C7orf78: variants seen among roughly 807,000 people sequenced by gnomAD.
The protein encoded by C7orf78 is putative uncharacterized protein C7orf78.
At chr7:12,504,695 A>G in the C7orf78 span, 1 of 152,142 alleles carries the variant, frequency 6.6e-6, no homozygotes, top group Admixed American at 6.6e-5. Context: ...GAGAAAAGCA[A>G]TTCATTTATC....
the C7orf78 span, among the ~76,000 whole-genome samples, chr7:12,533,512 C>CTTTTTTTTT: frequency 8.9e-6 from 1 of 112,606 alleles, no homozygotes; most frequent in Non-Finnish European, 1.8e-5. Flanking sequence ...CCAAAGGTTT[C>CTTTTTTTTT]TTTTTTTTTT....
the C7orf78 span, among the ~76,000 whole-genome samples, chr7:12,537,281 T>A: frequency 1.3e-5 from 2 of 152,100 alleles, no homozygotes; most frequent in African/African-American, 4.8e-5. Context: ...AGAAGAGAGC[T>A]TTTGCAGGGA....
the C7orf78 span, among the ~76,000 whole-genome samples, chr7:12,521,388 T>C: frequency 1.3e-5 from 2 of 152,034 alleles, no homozygotes; most frequent in Non-Finnish European, 2.9e-5. Context: ...GTATCTACTG[T>C]CATTTTTTTC....
chr7:12,490,396 T>G, the C7orf78 span, among the ~76,000 whole-genome samples: 1 of 152,180 alleles, frequency 6.6e-6, no homozygotes, highest in Admixed American at 6.6e-5. Context: ...GAATTAATTA[T>G]GCACTACTTT....
chr7:12,514,333 T>A, the C7orf78 span, among the ~76,000 whole-genome samples: 703 of 152,276 alleles, frequency 4.6e-3, 16 homozygotes, highest in African/African-American at 0.016. Context: ...TTACTGTTTT[T>A]AACTTAGTCT....
the C7orf78 span, among the ~76,000 whole-genome samples, chr7:12,528,200 T>C: frequency 1.3e-5 from 2 of 151,084 alleles, no homozygotes; most frequent in Admixed American, 1.3e-4. Context: ...ATGGAACATG[T>C]CTACTTTCCT....
chr7:12,501,304 G>C, the C7orf78 span, among the ~76,000 whole-genome samples: 41 of 147,774 alleles, frequency 2.8e-4, 1 homozygote, highest in South Asian at 7.2e-3. Context: ...CCTGTTTGCA[G>C]ATGACATGAT....
At chr7:12,515,876 A>G in the C7orf78 span, among the ~76,000 whole-genome samples, 1 of 152,246 alleles carries the variant, frequency 6.6e-6, no homozygotes, top group Non-Finnish European at 1.5e-5. Context: ...CAAGCATTTA[A>G]GATGTGACTT....
chr7:12,504,724 T>C, the C7orf78 span, among the ~76,000 whole-genome samples: 1 of 152,052 alleles, frequency 6.6e-6, no homozygotes, highest in Non-Finnish European at 1.5e-5. Flanking sequence ...AATAAATAAA[T>C]AAGAAATTAT....
the C7orf78 span, among the ~76,000 whole-genome samples, chr7:12,503,094 T>G: frequency 9.5e-5 from 11 of 116,236 alleles, no homozygotes; most frequent in Admixed American, 2.4e-4. Flanking sequence ...GGGGTGGGGG[T>G]AGGGGGGAGG....
the C7orf78 span, among the ~76,000 whole-genome samples, chr7:12,512,019 C>A: frequency 6.6e-6 from 1 of 150,614 alleles, no homozygotes; most frequent in Admixed American, 6.6e-5. Flanking sequence ...TCATGATCCA[C>A]CCTCCTTGGC....
At chr7:12,541,543 G>C in the C7orf78 span, 1 of 151,968 alleles carries the variant, frequency 6.6e-6, no homozygotes, top group Admixed American at 6.6e-5. Flanking sequence ...AAATAGGAAA[G>C]TTTAATTCAT....
At chr7:12,541,826 A>G in the C7orf78 span, 3 of 152,172 alleles carry the variant, frequency 2.0e-5, no homozygotes, top group African/African-American at 7.2e-5. Context: ...ATACACTTTA[A>G]GAAGCTTCTC....
At chr7:12,512,275 A>G in the C7orf78 span, among the ~76,000 whole-genome samples, 1 of 152,150 alleles carries the variant, frequency 6.6e-6, no homozygotes, top group Non-Finnish European at 1.5e-5. Flanking sequence ...CACTTCTTAG[A>G]GAAGAGACTT....
At chr7:12,509,152 A>G in the C7orf78 span, among the ~76,000 whole-genome samples, 3 of 152,156 alleles carry the variant, frequency 2.0e-5, no homozygotes, top group African/African-American at 7.2e-5. Flanking sequence ...TATTTCTAAG[A>G]TATTTTGAAT....
At chr7:12,530,473 C>T in the C7orf78 span, 1 of 152,114 alleles carries the variant, frequency 6.6e-6, no homozygotes, top group Non-Finnish European at 1.5e-5. Flanking sequence ...TTTTGTCAGT[C>T]TTAAGATCTC....
the C7orf78 span, among the ~76,000 whole-genome samples, chr7:12,529,328 C>A: frequency 6.6e-6 from 1 of 152,022 alleles, no homozygotes; most frequent in African/African-American, 2.4e-5. Context: ...TCAGAGTATC[C>A]CTGTTCTTTT....
At chr7:12,493,666 A>C in the C7orf78 span, among the ~76,000 whole-genome samples, 2 of 152,224 alleles carry the variant, frequency 1.3e-5, no homozygotes, top group Non-Finnish European at 2.9e-5. Context: ...CTCCTGACCC[A>C]GCTGCTTATT....
At chr7:12,528,788 A>G in the C7orf78 span, 2 of 395,748 alleles carry the variant, frequency 5.1e-6, no homozygotes, top group Admixed American at 8.8e-5. Context: ...TCTATAAATT[A>G]TCCAGCGACT....
Sources: gnomAD v4.1 joint callset for allele counts (sites outside exome capture counted in the v4.1 genomes callset) on GRCh38, gnomAD v4.1.1 for gene constraint, MANE v1.5 for transcripts, NCBI Gene and HGNC (gene_info 2026-07-23, HGNC 2026-07-21) for gene names.